Variants in CHD8 observed in about 807,000 individuals in gnomAD.
CHD8 encodes the protein ATP-dependent chromatin remodeler CHD8.
Under a neutral mutation model 279.2 loss-of-function variants are expected in CHD8, and 31 were observed. The ratio of observed to expected loss-of-function variants is 0.11; its 90% CI spans 0.08 to 0.15. CHD8 has a LOEUF of 0.15. CHD8 is among the 10% of genes least tolerant of loss of function. The probability of loss-of-function intolerance (pLI) is 1.00; values close to 1 mark genes in which losing one functional copy is unlikely to be tolerated. For missense variants in CHD8, 2,146 were observed against 3,230.5 expected (o/e 0.66, Z 8.14); for synonymous variants, 1,081 against 1,139.6 (o/e 0.95, Z 1.04).
At position 21,408,572 on chromosome 14, in the gene CHD8, G is replaced by T. The variant is rs776147826; in HGVS notation, c.2487-17C>A. On this transcript the variant is annotated splice_polypyrimidine_tract_variant and intron_variant, in intron 12 of 37. Coordinates refer to ENST00000646647, the MANE Select transcript of CHD8 (RefSeq NM_001170629.2). The surrounding 1 kb of genome is among the most constrained non-coding windows in gnomAD (Gnocchi z 4.3). Reference sequence around the variant, plus strand: ...CAGTTCTGCCTGCAGATTCACCATGGGAAAAAAAAAATGTTAAAAGATACT... The same window carrying T: ...CAGTTCTGCCTGCAGATTCACCATGTGAAAAAAAAAATGTTAAAAGATACT... 2 of 1,586,094 alleles carry T rather than the reference G, an allele frequency of 1.3e-6. No individual in the cohort carries two copies. Among genetic ancestry groups the T allele is most frequent in the Non-Finnish European group, 1.7e-6 (2 of 1,170,018 alleles).
At chr14:21,406,127 G>C (rs551771318) in intron 14 of CHD8, among the ~76,000 whole-genome samples, 2 of 152,204 alleles carry the variant, frequency 1.3e-5, no homozygotes, top group South Asian at 4.1e-4. Context: ...CAGTAATTCT[G>C]ATTATGTTTA....
intron 2 of CHD8, 163 bp downstream of exon 2, chr14:21,430,638 A>AGT (rs1889526234): frequency 1.2e-5 from 7 of 593,948 alleles, no homozygotes; most frequent in Non-Finnish European, 2.1e-5. Context: ...AACTGCTTCC[A>AGT]ACCAGCAAGT....
rs61603009 is a variant in CHD8 at position 21,392,049 on chromosome 14, A to C, written c.6772-103T>G. 752 of 854,270 alleles carry C rather than the reference A, an allele frequency of 8.8e-4. 2 individuals carry two copies. The African/African-American group carries it at 0.011, about 13-fold the overall frequency. 52.9% of individuals were successfully genotyped at this position (854,270 alleles called of 1,614,324 possible). On this transcript the variant is annotated intron_variant, in intron 34 of 37. Coordinates refer to ENST00000646647, the MANE Select transcript of CHD8 (RefSeq NM_001170629.2). ...GGGCTATAGGTCATCCTCTTGCCCA[A>C]TGATGGTGAGAAGGAAGGCCATCTG... is the stretch of plus-strand genomic sequence containing the variant.
chr14:21,412,061 T>C (rs1888518029), intron 10 of CHD8, among the ~76,000 whole-genome samples: 1 of 148,788 alleles, frequency 6.7e-6, no homozygotes, highest in South Asian at 2.1e-4. Context: ...GAAGATGGTC[T>C]CAAAAAAAAA....
chr14:21,415,888 T>A lies in CHD8; in HGVS notation c.1736A>T (p.Gln579Leu). Residue 579 changes from glutamine to leucine, a missense_variant, in exon 6 of 38, where the codon CAA becomes CTA. Physicochemically the swap from Gln to Leu is moderately radical, Grantham distance 113 (BLOSUM62 -2). Transcript: ENST00000646647. ...SSIQKRRSNRQVKRKKYTEDL... is the reference protein window; with the variant it reads ...SSIQKRRSNRLVKRKKYTEDL... ...CTCTGTATATTTTTTTCGCTTAACT[T>A]GGCGGTTTGAGCGTCTCTTCTGTAG... 6.2e-7 allele frequency: 1 copy of A among 1,613,634 alleles called. No homozygotes were observed. Among genetic ancestry groups the A allele is most frequent in the South Asian group, 1.1e-5 (1 of 91,004 alleles).
intron 35 of CHD8, 52 bp from the exon 36 acceptor site, chr14:21,391,694 G>A (rs1253137361): frequency 7.9e-7 from 1 of 1,258,678 alleles, no homozygotes; most frequent in Non-Finnish European, 1.1e-6. Flanking sequence ...TTGGGGGAGG[G>A]AGGGAGGGGG....
At chr14:21,394,627 C>T in intron 30 of CHD8, 142 bp from the exon 31 acceptor site, 2 of 481,658 alleles carry the variant, frequency 4.2e-6, no homozygotes, top group Non-Finnish European at 6.9e-6. Flanking sequence ...AAAAAAAAGG[C>T]CCAGAAGAGG....
rs536569745 is a variant in CHD8, at chr14:21,401,351, C to T, written c.4173+52G>A. 69 of 1,113,386 alleles carry T rather than the reference C, an allele frequency of 6.2e-5. No individual in the cohort carries two copies. In the East Asian group the frequency reaches 7.5e-4, roughly 12 times the overall value. 69.0% of individuals were successfully genotyped at this position (1,113,386 alleles called of 1,614,324 possible). On this transcript the variant is annotated intron_variant, in intron 21 of 37. Coordinates refer to ENST00000646647, the MANE Select transcript of CHD8 (RefSeq NM_001170629.2). ...TAATCAGAGTAGCTGTAAAGACTCC[C>T]GAAAGTAGTGTGGTCTTCTGCGATA...
rs1313047966 is a variant in CHD8 at position 21,408,811 on chromosome 14, T to A, written c.2379A>T (p.Ala793=). The A allele has an allele frequency of 6.2e-7, 1 of 1,608,898 alleles. No homozygotes were observed. Among genetic ancestry groups the A allele is most frequent in the South Asian group, 1.1e-5 (1 of 90,086 alleles). ...ATAGCTCCAATTTCTTCCAGGCACT[T>A]GCCTGCGGACGATTCTAAAAAACAA... ...PELKRVNRPQ[A]SAWKKLELSH... Residue 793 remains alanine, a synonymous_variant, in exon 12 of 38, where the codon GCA becomes GCT. Transcript: ENST00000646647. The surrounding 1 kb of genome is among the most constrained non-coding windows in gnomAD (Gnocchi z 4.3).
At chr14:21,432,181 T>C (rs1303853126) in intron 1 of CHD8, among the ~76,000 whole-genome samples, 6 of 152,334 alleles carry the variant, frequency 3.9e-5, no homozygotes, top group Non-Finnish European at 7.3e-5. Flanking sequence ...TAATATTCAT[T>C]TACCTTCTAT....
chr14:21,438,915 C>T lies in CHD8; in HGVS notation c.-215-7057G>A, dbSNP rs572707250. On this transcript the variant is annotated intron_variant, in intron 1 of 37. Transcript: ENST00000646647. ...GCCAAGGTGGGCAGATCACTTGAGG[C>T]CAGGAGTTTGAGACCAGCTTGGCCA... Among the ~76,000 whole-genome samples the T allele has an allele frequency of 6.6e-5, 10 of 152,088 alleles. No homozygotes were observed. The East Asian group carries it at 1.9e-3, about 29-fold the overall frequency.
chr14:21,424,784 A>G (rs927941729), intron 5 of CHD8, among the ~76,000 whole-genome samples: 5 of 152,232 alleles, frequency 3.3e-5, no homozygotes, highest in Middle Eastern at 3.4e-3. Flanking sequence ...CTATTCTTAC[A>G]CAGTAATTTC....
At position 21,429,000 on chromosome 14, in the gene CHD8, TCTTTGTCCTGGG is replaced by T. The variant is rs1420613488; in HGVS notation, c.1167_1178del (p.Ser389_Gln392del). On this transcript the variant is annotated inframe_deletion, in exon 3 of 38. Transcript: ENST00000646647. Reference sequence around the variant, plus strand: ...GTACCACCTTGACTGGTACTGAAAGTCTTTGTCCTGGGCTTTGTCCTGGTCCCATTATCTGAG... The same window carrying T: ...GTACCACCTTGACTGGTACTGAAAGTCTTTGTCCTGGTCCCATTATCTGAG... The T allele has an allele frequency of 5.0e-6, 8 of 1,613,872 alleles. No homozygotes were observed. Among genetic ancestry groups the T allele is most frequent in the African/African-American group, 2.7e-5 (2 of 74,926 alleles).
At position 21,393,429 on chromosome 14, in the gene CHD8, GA is replaced by G. The variant is rs1211065068; in HGVS notation, c.6319+46del. On this transcript the variant is annotated intron_variant, in intron 32 of 37. Transcript: ENST00000646647. ...GCATTTAGAAAAGGGAAAGAGAAGA[GA>G]GGGGGAAATAGGGAAGGGGGCCAAC... 9.9e-6 allele frequency: 15 copies of G among 1,510,842 alleles called. No individual in the cohort carries two copies. The Admixed American group carries it at 1.8e-4, about 18-fold the overall frequency. The allele number at this position is 1,510,842 out of a possible 1,614,324, so 93.6% of individuals were successfully genotyped here.
At chr14:21,401,367 T>C in intron 21 of CHD8, 36 bp downstream of exon 21, 2 of 1,277,448 alleles carry the variant, frequency 1.6e-6, no homozygotes, top group Non-Finnish European at 2.2e-6. Flanking sequence ...TAGTGTGGTC[T>C]TCTGCGATAC....
At position 21,428,182 on chromosome 14, in the gene CHD8, A is replaced by C. The variant is rs755475754; in HGVS notation, c.1288T>G (p.Leu430Val). Residue 430 changes from leucine (L) to valine (V), a missense_variant, in exon 4 of 38, where the codon TTG becomes GTG. Leu to Val is a conservative substitution (Grantham distance 32). Around this residue, in one of 26 missense-constraint regions of CHD8, gnomAD observed 170 missense variants for 189.9 expected, o/e 0.90. Transcript: ENST00000646647. ...GGAGCAGAGCTTGCTGGTGATGACA[A>C]AGCTGCCACTTCACTGGCACTCAGA... ...KVLSASEVAA[L>V]SSPASSAPHS... The C allele has an allele frequency of 1.2e-6, 2 of 1,614,018 alleles. No homozygotes were observed. The highest frequency in any genetic ancestry group is 4.5e-5 in the East Asian group (2 of 44,886).
intron 1 of CHD8, among the ~76,000 whole-genome samples, chr14:21,451,571 C>CAAAAAAAA (rs969355375): frequency 3.2e-5 from 1 of 31,632 alleles, no homozygotes; most frequent in Non-Finnish European, 5.6e-5. Flanking sequence ...GACTCTGTCT[C>CAAAAAAAA]AAAAAAAAAA....
chr14:21,399,783 T>C, intron 25 of CHD8, 78 bp from the exon 26 acceptor site: 1 of 1,038,124 alleles, frequency 9.6e-7, no homozygotes, highest in Non-Finnish European at 1.5e-6. Context: ...TTATTATAGG[T>C]ATCTTCCTGT....
At position 21,386,220 on chromosome 14, in the gene CHD8, AAAAAG is replaced by A. The variant is rs1255020893; in HGVS notation, c.7183-49_7183-45del. 2.7e-6 allele frequency: 4 copies of A among 1,509,210 alleles called. No homozygotes were observed. The South Asian group carries it at 5.1e-5, about 19-fold the overall frequency. The allele number at this position is 1,509,210 out of a possible 1,614,324, so 93.5% of individuals were successfully genotyped here. ...AGATAATAAAAAGAAAGAAAGGGGA[AAAAAG>A]AAAAGAAACCAAAGCCAACAGAGTC... is the stretch of plus-strand genomic sequence containing the variant. On this transcript the variant is annotated intron_variant, in intron 37 of 37. Transcript: ENST00000646647.
Sources: gnomAD v4.1 joint callset for allele counts (sites outside exome capture counted in the v4.1 genomes callset) on GRCh38, gnomAD v4.1.1 for gene constraint, gnomAD v4.1.1 regional missense constraint, Gnocchi (gnomAD v3.1) non-coding constraint, MANE v1.5 for transcripts, NCBI Gene and HGNC (gene_info 2026-07-23, HGNC 2026-07-21) for gene names.